The following NALF1 variants were observed in gnomAD, a reference collection of about 807,000 sequenced individuals.
The protein encoded by NALF1 is NALCN channel auxiliary factor 1, also known as family with sequence similarity 155 member A.
In NALF1, 3 loss-of-function variants were observed where a neutral mutation model predicts 48.4. That is an observed-to-expected ratio of 0.06 (90% confidence interval 0.03 to 0.16). NALF1 has a LOEUF of 0.16. NALF1 is among the 10% of genes least tolerant of loss of function. The pLI, the probability that NALF1 is intolerant of heterozygous loss-of-function variation, is 1.00. For missense variants in NALF1, 526 were observed against 571.5 expected, an observed-to-expected ratio of 0.92 and a Z score of 0.81; for synonymous variants, 262 against 245.7, an observed-to-expected ratio of 1.07 and a Z score of -0.62.
At chr13:107,510,381 G>A (rs954009549) in intron 1 of NALF1, among the ~76,000 whole-genome samples, 2 of 152,118 alleles carry the variant, frequency 1.3e-5, no homozygotes, top group African/African-American at 2.4e-5. Context: ...AGCCTACAAC[G>A]GAGGGTCTGA....
chr13:107,549,287 G>A (rs1369824193), intron 1 of NALF1, among the ~76,000 whole-genome samples: 1 of 152,100 alleles, frequency 6.6e-6, no homozygotes, highest in Non-Finnish European at 1.5e-5. Flanking sequence ...GAATATGAAG[G>A]ATTTATATAC....
intron 1 of NALF1, among the ~76,000 whole-genome samples, chr13:107,447,593 C>G (rs759638902): frequency 2.0e-5 from 3 of 152,122 alleles, no homozygotes; most frequent in Non-Finnish European, 4.4e-5. Flanking sequence ...CTTTTTACAG[C>G]TCTTTCAGGG....
chr13:107,448,817 T>C (rs1884694373), intron 1 of NALF1, among the ~76,000 whole-genome samples: 1 of 152,208 alleles, frequency 6.6e-6, no homozygotes, highest in African/African-American at 2.4e-5. Context: ...TATTATCATA[T>C]CCTTCCCTAT....
chr13:107,671,350 A>G (rs1415967761), intron 1 of NALF1, among the ~76,000 whole-genome samples: 3 of 152,138 alleles, frequency 2.0e-5, no homozygotes, highest in African/African-American at 7.2e-5. Context: ...AAATATATTT[A>G]AAAGCAGAAG....
chr13:107,785,066 ATG>A (rs1317381635), intron 1 of NALF1, among the ~76,000 whole-genome samples: 2 of 151,792 alleles, frequency 1.3e-5, no homozygotes, highest in East Asian at 1.9e-4. Flanking sequence ...GTGTCTGTGT[ATG>A]TGTGTGTGTA....
chr13:107,433,041 T>C (rs1884408097), intron 1 of NALF1, among the ~76,000 whole-genome samples: 1 of 152,126 alleles, frequency 6.6e-6, no homozygotes, highest in Admixed American at 6.6e-5. Context: ...TCTTTCTTTC[T>C]CATCTCAAGA....
At chr13:107,739,827 C>T (rs761262525) in intron 1 of NALF1, among the ~76,000 whole-genome samples, 1 of 152,148 alleles carries the variant, frequency 6.6e-6, no homozygotes, top group African/African-American at 2.4e-5. Flanking sequence ...GTGGCAGCAT[C>T]AGATGCACAT....
chr13:107,832,010 T>C (rs1386929134), intron 1 of NALF1, among the ~76,000 whole-genome samples: 2 of 152,148 alleles, frequency 1.3e-5, no homozygotes, highest in Non-Finnish European at 2.9e-5. Context: ...AAATAAAGTC[T>C]AATGATTTCA....
chr13:107,263,255 C>G (rs1350149502), intron 1 of NALF1, among the ~76,000 whole-genome samples: 10 of 120,146 alleles, frequency 8.3e-5, no homozygotes, highest in Admixed American at 7.6e-4. Context: ...AACAGACACA[C>G]ACACACACAC....
intron 1 of NALF1, among the ~76,000 whole-genome samples, chr13:107,837,699 T>TC (rs1404135997): frequency 2.6e-5 from 4 of 151,906 alleles, no homozygotes; most frequent in African/African-American, 9.7e-5. Context: ...CTCCCAGGAG[T>TC]CAGCGTGACA....
chr13:107,777,490 C>A (rs939299953), intron 1 of NALF1, among the ~76,000 whole-genome samples: 1 of 152,186 alleles, frequency 6.6e-6, no homozygotes, highest in Non-Finnish European at 1.5e-5. Flanking sequence ...GCTTGCTGCT[C>A]TCTTTATGAT....
At chr13:107,385,690 T>C (rs1883518853) in intron 1 of NALF1, among the ~76,000 whole-genome samples, 1 of 152,196 alleles carries the variant, frequency 6.6e-6, no homozygotes. Context: ...TATGCGGCTA[T>C]TTGAAGAACA....
chr13:107,826,028 C>G (rs1879506035), intron 1 of NALF1, among the ~76,000 whole-genome samples: 1 of 152,212 alleles, frequency 6.6e-6, no homozygotes, highest in South Asian at 2.1e-4. Context: ...ACCTGCCCAC[C>G]TCTGCCTCCC....
At chr13:107,667,348 G>A (rs1880885239) in intron 1 of NALF1, among the ~76,000 whole-genome samples, 1 of 151,870 alleles carries the variant, frequency 6.6e-6, no homozygotes, top group Non-Finnish European at 1.5e-5. Flanking sequence ...TCCTATAAGA[G>A]GAGATCCTAT....
intron 1 of NALF1, among the ~76,000 whole-genome samples, chr13:107,416,226 A>G (rs1010775889): frequency 4.0e-5 from 6 of 150,956 alleles, no homozygotes; most frequent in African/African-American, 1.5e-4. Context: ...CGTGTTAGCC[A>G]GGATGGTCTC....
At chr13:107,711,010 C>T (rs1270841459) in intron 1 of NALF1, among the ~76,000 whole-genome samples, 4 of 151,920 alleles carry the variant, frequency 2.6e-5, no homozygotes, top group African/African-American at 9.7e-5. Context: ...TAGGTGTTAG[C>T]AATCATTTTA....
In NALF1 at chr13:107,437,248, C is replaced by T. The variant is rs566662731; in HGVS notation, c.916-226493G>A. Among the ~76,000 whole-genome samples, 11 of 152,248 alleles carry T rather than the reference C, an allele frequency of 7.2e-5. No homozygotes were observed. The South Asian group carries it at 2.3e-3, about 32-fold the overall frequency. On this transcript the variant is annotated intron_variant, in intron 1 of 2. Transcript: ENST00000375915. ...AAACAAAAACGAATACCACCAAAAC[C>T]TGCCCCACATGCAGGGGTACACTGA...
rs1555329721 is a variant in NALF1, at chr13:107,851,805, C to CATTTTTTTTTTTTTTTTTT, written c.915+13876_915+13877insAAAAAAAAAAAAAAAAAAT. Among the ~76,000 whole-genome samples, 43 of 104,734 alleles carry CATTTTTTTTTTTTTTTTTT rather than the reference C, an allele frequency of 4.1e-4. 4 individuals carry two copies. The highest frequency in any genetic ancestry group is 3.7e-3 in the East Asian group (13 of 3,490). 68.7% of individuals were successfully genotyped at this position (104,734 alleles called of 152,430 possible). ...GGATTAAGGGCTTTACAGGCCCTTT[C>CATTTTTTTTTTTTTTTTTT]TTTTTTTTTTTTTTTTTTTTTGAGA... On this transcript the variant is annotated intron_variant, in intron 1 of 2. Coordinates refer to ENST00000375915, the MANE Select transcript of NALF1 (RefSeq NM_001080396.3).
chr13:107,771,990 C>G (rs1877591611), intron 1 of NALF1, among the ~76,000 whole-genome samples: 1 of 152,086 alleles, frequency 6.6e-6, no homozygotes, highest in African/African-American at 2.4e-5. Flanking sequence ...CCGCCTCGGC[C>G]TCCCAAAGTG....
Sources: allele counts gnomAD v4.1 joint callset (sites outside exome capture counted in the v4.1 genomes callset), GRCh38; gene constraint gnomAD v4.1.1; transcripts MANE v1.5; gene names NCBI Gene and HGNC (gene_info 2026-07-23, HGNC 2026-07-21).